Variants in MRPS6 observed in about 807,000 individuals in gnomAD.
The protein encoded by MRPS6 is mitochondrial ribosomal protein S6.
A neutral mutation model predicts 13.1 loss-of-function variants in MRPS6; 6 were observed. That is an observed-to-expected ratio of 0.46 (90% CI 0.25 to 0.91). MRPS6 has a LOEUF of 0.91. Ranked by LOEUF, MRPS6 falls within the 40% of genes least tolerant of loss-of-function variation. The probability of loss-of-function intolerance (pLI) is 0.18; values close to 1 mark genes in which losing one functional copy is unlikely to be tolerated. For synonymous variants in MRPS6, 61 were observed against 56.5 expected (o/e 1.08, Z -0.36); for missense variants, 164 against 155.6 (o/e 1.05, Z -0.29).
At chr21:34,118,840 TATATA>T (rs1177433693) in intron 1 of MRPS6, among the ~76,000 whole-genome samples, 2 of 152,176 alleles carry the variant, frequency 1.3e-5, no homozygotes, top group Admixed American at 6.5e-5. Context: ...AAAAATGGCC[TATATA>T]ATATGATTCA....
chr21:34,101,825 CTAA>C (rs1286216545), intron 1 of MRPS6: 2 of 998,626 alleles, frequency 2.0e-6, no homozygotes, highest in African/African-American at 1.7e-5. Flanking sequence ...TTTGTGTTGG[CTAA>C]TAATAAAAGC....
intron 1 of MRPS6, among the ~76,000 whole-genome samples, chr21:34,109,621 A>G (rs968240779): frequency 1.3e-5 from 2 of 152,144 alleles, no homozygotes. Flanking sequence ...TCAGGATCCA[A>G]CTAGTCCTTA....
intron 2 of MRPS6, among the ~76,000 whole-genome samples, chr21:34,136,317 T>A (rs1016148956): frequency 2.0e-5 from 3 of 151,974 alleles, no homozygotes; most frequent in African/African-American, 7.3e-5. Context: ...CTGGCTAATT[T>A]TTGTATTTTT....
At chr21:34,095,323 C>T in intron 1 of MRPS6, 3 of 1,614,032 alleles carry the variant, frequency 1.9e-6, no homozygotes, top group Non-Finnish European at 2.5e-6. Context: ...TACTTCCTGG[C>T]GGGGCGCTCT....
intron 2 of MRPS6, chr21:34,135,640 C>A: frequency 2.6e-6 from 1 of 378,490 alleles, no homozygotes; most frequent in East Asian, 6.9e-5. Flanking sequence ...CACAGCCTGT[C>A]ATCTCACAGT....
intron 1 of MRPS6, chr21:34,105,040 T>A: frequency 1.0e-6 from 1 of 1,000,072 alleles, no homozygotes; most frequent in Non-Finnish European, 1.2e-6. Context: ...ACAGATCAAG[T>A]CTTTTGCTCA....
chr21:34,089,768 A>G (rs1440606385), intron 1 of MRPS6, among the ~76,000 whole-genome samples: 2 of 152,204 alleles, frequency 1.3e-5, no homozygotes, highest in African/African-American at 4.8e-5. Context: ...ACCCATCAGA[A>G]TACAGCTTCA....
intron 1 of MRPS6, chr21:34,106,268 G>C (rs1345486227): frequency 9.7e-6 from 7 of 720,846 alleles, no homozygotes; most frequent in Non-Finnish European, 1.2e-5. Flanking sequence ...TTATATTTCT[G>C]TGACTAAGTA....
At chr21:34,098,904 A>G in intron 1 of MRPS6, 1 of 996,764 alleles carries the variant, frequency 1.0e-6, no homozygotes, top group Non-Finnish European at 1.2e-6. Context: ...TTAATCTCTG[A>G]TACTTTTTAG....
At chr21:34,079,073 T>C (rs192154540) in intron 1 of MRPS6, among the ~76,000 whole-genome samples, 1 of 152,364 alleles carries the variant, frequency 6.6e-6, no homozygotes, top group Non-Finnish European at 1.5e-5. Flanking sequence ...TTATCCTTTT[T>C]GTTGCTTTGA....
At chr21:34,088,117 C>A (rs1978489267) in intron 1 of MRPS6, among the ~76,000 whole-genome samples, 1 of 152,190 alleles carries the variant, frequency 6.6e-6, no homozygotes, top group Non-Finnish European at 1.5e-5. Context: ...ACTGTGAGAA[C>A]CCTTGCATTT....
intron 1 of MRPS6, among the ~76,000 whole-genome samples, chr21:34,112,936 C>T (rs574970754): frequency 2.0e-5 from 3 of 152,002 alleles, no homozygotes; most frequent in Non-Finnish European, 4.4e-5. Flanking sequence ...GTGGGTGGAT[C>T]GCTTGACGTC....
At chr21:34,122,329 A>G (rs1980148523) in intron 1 of MRPS6, 1 of 152,142 alleles carries the variant, frequency 6.6e-6, no homozygotes, top group Admixed American at 6.5e-5. Context: ...ATGGTGAGGT[A>G]AGGTCTATGG....
chr21:34,142,573 A>G lies in MRPS6; in HGVS notation c.351A>G (p.Leu117=). 6.2e-7 allele frequency: 1 copy of G among 1,605,502 alleles called. No individual in the cohort carries two copies. Among genetic ancestry groups the G allele is most frequent in the South Asian group, 1.1e-5 (1 of 88,456 alleles). Residue 117 remains leucine, a synonymous_variant, in exon 3 of 3, where the codon TTA becomes TTG. Transcript: ENST00000399312. The part of the protein sequence containing the change: ...GIVPVPLAEK[L]YSTKKRKK Reference sequence around the variant, plus strand: ...TCCCAGTCCCACTCGCAGAAAAATTATATTCCACAAAGAAGAGGAAGAAGT... The same window carrying G: ...TCCCAGTCCCACTCGCAGAAAAATTGTATTCCACAAAGAAGAGGAAGAAGT...
At chr21:34,091,222 T>C (rs1052541540) in intron 1 of MRPS6, among the ~76,000 whole-genome samples, 6 of 149,766 alleles carry the variant, frequency 4.0e-5, no homozygotes, top group African/African-American at 1.5e-4. Flanking sequence ...GAGGTGGTTG[T>C]TTGGTCACGT....
In MRPS6 at chr21:34,100,638, CTG is replaced by C. The variant is rs1979194351; in HGVS notation, c.46-24700_46-24699del. 7 of 1,000,100 alleles carry C rather than the reference CTG, an allele frequency of 7.0e-6. No individual in the cohort carries two copies. In the South Asian group the frequency reaches 2.8e-4, roughly 40 times the overall value. The allele number at this position is 1,000,100 out of a possible 1,614,324, so 62.0% of individuals were successfully genotyped here. On this transcript the variant is annotated intron_variant, in intron 1 of 2. Transcript: ENST00000399312. ...AAGAAATTAGCTGGGACCCATCACT[CTG>C]TGAAACTTCACATTTTAAGAACTGA...
intron 1 of MRPS6, chr21:34,100,722 T>C: frequency 2.0e-6 from 2 of 1,000,068 alleles, no homozygotes; most frequent in South Asian, 4.7e-5. Flanking sequence ...GGTTAACTCT[T>C]GTGAGAGCCA....
At chr21:34,095,213 G>C in intron 1 of MRPS6, 1 of 1,610,506 alleles carries the variant, frequency 6.2e-7, no homozygotes, top group African/African-American at 1.3e-5. Context: ...GAGCTGTACT[G>C]GACACAGCAG....
chr21:34,113,089 CA>C (rs1979768020), intron 1 of MRPS6, among the ~76,000 whole-genome samples: 1 of 152,080 alleles, frequency 6.6e-6, no homozygotes, highest in Non-Finnish European at 1.5e-5. Flanking sequence ...AGACAAAATA[CA>C]AATGTTGACG....
Sources: allele counts gnomAD v4.1 joint callset (sites outside exome capture counted in the v4.1 genomes callset), GRCh38; gene constraint gnomAD v4.1.1; transcripts MANE v1.5; gene names NCBI Gene and HGNC (gene_info 2026-07-23, HGNC 2026-07-21).